The following CCPG1 variants were observed in gnomAD, a reference collection of about 807,000 sequenced individuals.
CCPG1 encodes the protein cell cycle progression 1.
CCPG1 carries 46 observed loss-of-function variants against 81.3 expected under a neutral mutation model. The observed-to-expected ratio is 0.57, with a 90% confidence interval of 0.45 to 0.72. The LOEUF (loss-of-function observed/expected upper bound fraction) is 0.72, where lower values mean the gene tolerates loss of function less well. Ranked by LOEUF, CCPG1 falls within the 30% of genes least tolerant of loss-of-function variation. CCPG1 has a pLI of 0.00. For missense variants in CCPG1, 902 were observed against 937.6 expected, an observed-to-expected ratio of 0.96 and a Z score of 0.50; for synonymous variants, 330 against 305.2, an observed-to-expected ratio of 1.08 and a Z score of -0.85.
intron 3 of CCPG1, among the ~76,000 whole-genome samples, chr15:55,384,625 A>G (rs866182333): frequency 7.9e-5 from 12 of 152,354 alleles, no homozygotes; most frequent in African/African-American, 2.4e-4. Flanking sequence ...ATTGCACTCC[A>G]GCATGGGAAA....
At chr15:55,403,939 T>G (rs1288878375) in intron 1 of CCPG1, among the ~76,000 whole-genome samples, 2 of 152,238 alleles carry the variant, frequency 1.3e-5, no homozygotes, top group African/African-American at 4.8e-5. Flanking sequence ...GCAGTTCATA[T>G]GCACCTAATT....
Position 55,365,172 on chromosome 15 carries a change from T to C in CCPG1, c.828+16A>G, listed in dbSNP as rs2056296356. The C allele has an allele frequency of 7.3e-7, 1 of 1,376,440 alleles. No individual in the cohort carries two copies. The highest frequency in any genetic ancestry group is 1.0e-6 in the Non-Finnish European group (1 of 994,024). 85.3% of individuals were successfully genotyped at this position (1,376,440 alleles called of 1,614,324 possible). ...AATTACTAACAATTATTTTAAATAC[T>C]GTTAGTGGTACATACCTTATAATCT... On this transcript the variant is annotated intron_variant, in intron 7 of 8. Transcript: ENST00000442196.
chr15:55,365,356 T>C (rs745835297), intron 6 of CCPG1, 47 bp from the exon 7 acceptor site: 1 of 1,110,282 alleles, frequency 9.0e-7, no homozygotes, highest in South Asian at 1.4e-5. Context: ...AATATTATCA[T>C]TAAATGTTTT....
chr15:55,406,630 T>C (rs1245213389), intron 1 of CCPG1, among the ~76,000 whole-genome samples: 1 of 151,638 alleles, frequency 6.6e-6, no homozygotes, highest in East Asian at 2.0e-4. Context: ...AGACGGGGTT[T>C]CACCGTGTCG....
chr15:55,393,554 T>C (rs555406791), intron 1 of CCPG1, among the ~76,000 whole-genome samples: 1 of 152,220 alleles, frequency 6.6e-6, no homozygotes, highest in East Asian at 1.9e-4. Flanking sequence ...TTAACCAGTG[T>C]TGATGAGGGA....
intron 1 of CCPG1, among the ~76,000 whole-genome samples, chr15:55,399,275 T>G (rs1347824482): frequency 6.6e-6 from 1 of 152,020 alleles, no homozygotes; most frequent in African/African-American, 2.4e-5. Context: ...TTTTTGTACC[T>G]GAACACAACT....
chr15:55,370,269 T>C (rs2056419203), intron 6 of CCPG1, among the ~76,000 whole-genome samples: 1 of 152,184 alleles, frequency 6.6e-6, no homozygotes, highest in Non-Finnish European at 1.5e-5. Flanking sequence ...AATCTTTGCA[T>C]AAGAAATACA....
Position 55,359,918 on chromosome 15 carries a change from T to C in CCPG1, c.1855A>G (p.Arg619Gly), listed in dbSNP as rs756924880. ...TTTCTGAAAGAATGAGAATTTTCTC[T>C]ACAATCATGCCCAGGACTGCATTTC... ...SKKCSPGHDC[R>G]ENSHSFRKAC... is the part of the protein sequence containing the mutation. Residue 619 changes from arginine (R) to glycine (G), a missense_variant, in exon 8 of 9, where the codon AGA becomes GGA. This residue lies in a region of CCPG1 where 746 missense variants were observed against 728.6 expected (regional missense o/e 1.02). Transcript: ENST00000442196. 2.5e-6 allele frequency: 4 copies of C among 1,613,786 alleles called. No individual in the cohort carries two copies. The highest frequency in any genetic ancestry group is 1.3e-5 in the African/African-American group (1 of 75,050).
At chr15:55,374,115 A>G (rs1208871212) in intron 5 of CCPG1, 2 of 1,112,248 alleles carry the variant, frequency 1.8e-6, no homozygotes, top group Non-Finnish European at 2.4e-6. Flanking sequence ...GACTAGGCAC[A>G]CTCAGCTCTA....
chr15:55,394,885 T>A (rs1219960619), intron 1 of CCPG1, among the ~76,000 whole-genome samples: 3 of 152,018 alleles, frequency 2.0e-5, no homozygotes, highest in African/African-American at 4.8e-5. Flanking sequence ...ACTGACCACC[T>A]GCTGCCTGTT....
At chr15:55,358,299 C>A (rs2056123310) in intron 8 of CCPG1, 7 of 830,120 alleles carry the variant, frequency 8.4e-6, no homozygotes, top group Non-Finnish European at 1.0e-5. Flanking sequence ...GAATTATGTT[C>A]TATCCCTGGT....
chr15:55,406,955 C>G (rs112062395), intron 1 of CCPG1, among the ~76,000 whole-genome samples: 26,181 of 150,682 alleles, frequency 0.17, 3,983 homozygotes, highest in African/African-American at 0.41. Context: ...TGGGTCACGC[C>G]TGTAATCCCA....
Position 55,377,091 on chromosome 15 carries a change from A to C in CCPG1, c.312T>G (p.Ser104=), listed in dbSNP as rs751977586. 3 of 1,613,774 alleles carry C rather than the reference A, an allele frequency of 1.9e-6. No homozygotes were observed. Among genetic ancestry groups the C allele is most frequent in the Non-Finnish European group, 2.5e-6 (3 of 1,179,740 alleles). ...TAGGTGGCTCAAGGGTAACAATATC[A>C]GAATCATCACTGGCAGTTCCAATAT... ...SIYIGTASDD[S]DIVTLEPPKL... The change falls in exon 5 of 9, where the codon TCT becomes TCG. Residue 104 remains serine, a synonymous_variant. Transcript: ENST00000442196.
At position 55,389,358 on chromosome 15, in the gene CCPG1, A is replaced by G. The variant is rs766297987; in HGVS notation, c.60+7T>C. On this transcript the variant is annotated splice_region_variant and intron_variant, in intron 2 of 8. Coordinates refer to ENST00000442196, the MANE Select transcript of CCPG1 (RefSeq NM_001204450.2). ...AATTACCTTATAAAAAGTATTAAAT[A>G]TCATACCTCATGACTGATGACAGTC... 3 of 1,575,124 alleles carry G rather than the reference A, an allele frequency of 1.9e-6. No individual in the cohort carries two copies. Among genetic ancestry groups the G allele is most frequent in the East Asian group, 4.5e-5 (2 of 44,680 alleles).
intron 8 of CCPG1, chr15:55,359,263 C>A (rs1318565802): frequency 9.0e-7 from 1 of 1,106,682 alleles, no homozygotes; most frequent in Non-Finnish European, 1.1e-6. Context: ...ACAAACTTGG[C>A]CAAAGTAGGA....
At chr15:55,396,705 ACT>A (rs1421553133) in intron 1 of CCPG1, among the ~76,000 whole-genome samples, 10 of 152,198 alleles carry the variant, frequency 6.6e-5, no homozygotes, top group Non-Finnish European at 1.5e-5. Context: ...GAGAAGCTTA[ACT>A]CTAAAAACGA....
At chr15:55,375,825 GCTGGGA>G (rs1204293538) in intron 5 of CCPG1, among the ~76,000 whole-genome samples, 2 of 152,054 alleles carry the variant, frequency 1.3e-5, no homozygotes, top group East Asian at 3.9e-4. Context: ...CTCCCAAGTG[GCTGGGA>G]CCACATGCGC....
At chr15:55,358,015 G>C (rs2056117025) in intron 8 of CCPG1, 1 of 148,864 alleles carries the variant, frequency 6.7e-6, no homozygotes, top group South Asian at 2.1e-4. Flanking sequence ...CTGTTAATCA[G>C]ATATACTGTT....
intron 7 of CCPG1, among the ~76,000 whole-genome samples, chr15:55,361,638 G>C (rs890127035): frequency 6.6e-6 from 1 of 151,238 alleles, no homozygotes; most frequent in Non-Finnish European, 1.5e-5. Flanking sequence ...CCCGGGAGGC[G>C]AATGTTGCAG....
Sources: gnomAD v4.1 joint callset for allele counts (sites outside exome capture counted in the v4.1 genomes callset) on GRCh38, gnomAD v4.1.1 for gene constraint, gnomAD v4.1.1 regional missense constraint, MANE v1.5 for transcripts, NCBI Gene and HGNC (gene_info 2026-07-23, HGNC 2026-07-21) for gene names.